Variants in MYO1D observed in about 807,000 individuals in gnomAD.
MYO1D encodes myosin ID.
MYO1D carries 83 observed loss-of-function variants against 122.0 expected under a neutral mutation model. The observed-to-expected ratio is 0.68, with a 90% confidence interval of 0.57 to 0.82. MYO1D has a LOEUF of 0.82. Ranked by LOEUF, MYO1D falls within the 40% of genes least tolerant of loss-of-function variation. The pLI is 0.00. For synonymous variants in MYO1D, 464 were observed against 446.9 expected (o/e 1.04, Z -0.48); for missense variants, 1,157 against 1,269.5 (o/e 0.91, Z 1.35).
chr17:32,755,388 A>T, intron 11 of MYO1D, 104 bp downstream of exon 11: 1 of 1,210,362 alleles, frequency 8.3e-7, no homozygotes, highest in Non-Finnish European at 1.2e-6. Flanking sequence ...CTTTCTTATT[A>T]AAGGGGACAT....
At chr17:32,506,691 A>G (rs945183782) in intron 21 of MYO1D, among the ~76,000 whole-genome samples, 1 of 152,252 alleles carries the variant, frequency 6.6e-6, no homozygotes, top group Non-Finnish European at 1.5e-5. Flanking sequence ...CTCAGATTTA[A>G]TTTAAAAATG....
intron 1 of MYO1D, among the ~76,000 whole-genome samples, chr17:32,785,201 T>C (rs969817007): frequency 1.3e-5 from 2 of 152,168 alleles, no homozygotes; most frequent in East Asian, 3.9e-4. Context: ...CAGATGACCA[T>C]ATCTCAAATG....
intron 21 of MYO1D, among the ~76,000 whole-genome samples, chr17:32,543,982 G>A (rs1032114678): frequency 6.6e-6 from 1 of 151,950 alleles, no homozygotes; most frequent in Non-Finnish European, 1.5e-5. Flanking sequence ...TAGTAGAGAC[G>A]GGGTTTCACT....
At chr17:32,713,999 CT>C in intron 15 of MYO1D, among the ~76,000 whole-genome samples, 1 of 151,026 alleles carries the variant, frequency 6.6e-6, no homozygotes, top group Admixed American at 6.6e-5. Flanking sequence ...ATCTAGTCTG[CT>C]TTGTGCCTTA....
At chr17:32,552,540 C>G (rs982924246) in intron 21 of MYO1D, among the ~76,000 whole-genome samples, 8 of 152,126 alleles carry the variant, frequency 5.3e-5, no homozygotes, top group Admixed American at 3.3e-4. Context: ...GCCCTCCTTC[C>G]TTTTATCCAT....
At chr17:32,556,862 A>T (rs2087072546) in intron 21 of MYO1D, among the ~76,000 whole-genome samples, 1 of 152,120 alleles carries the variant, frequency 6.6e-6, no homozygotes, top group African/African-American at 2.4e-5. Context: ...TTTGTGCTAA[A>T]CTCCCTAACC....
intron 21 of MYO1D, among the ~76,000 whole-genome samples, chr17:32,570,149 A>G (rs1026090424): frequency 6.6e-6 from 1 of 152,200 alleles, no homozygotes; most frequent in East Asian, 1.9e-4. Context: ...AGTTCCTTCC[A>G]GCCTCAGAGT....
intron 21 of MYO1D, among the ~76,000 whole-genome samples, chr17:32,500,408 G>A (rs1191989429): frequency 6.6e-6 from 1 of 151,374 alleles, no homozygotes; most frequent in Non-Finnish European, 1.5e-5. Context: ...AACCAGACCT[G>A]GGAAGGAGGT....
chr17:32,811,979 C>A (rs1598118772), intron 1 of MYO1D, among the ~76,000 whole-genome samples: 2 of 152,252 alleles, frequency 1.3e-5, no homozygotes, highest in Middle Eastern at 3.4e-3. Flanking sequence ...AATTATCCAA[C>A]CCAGGACCCA....
chr17:32,797,524 A>G (rs1056750752), intron 1 of MYO1D, among the ~76,000 whole-genome samples: 4 of 152,252 alleles, frequency 2.6e-5, no homozygotes, highest in African/African-American at 4.8e-5. Context: ...TCACATTCAT[A>G]TAACTTTTAT....
intron 13 of MYO1D, among the ~76,000 whole-genome samples, chr17:32,744,220 T>A (rs2089805808): frequency 6.6e-6 from 1 of 152,154 alleles, no homozygotes; most frequent in South Asian, 2.1e-4. Flanking sequence ...TGGTACTAGC[T>A]TTTCTCTCTG....
At chr17:32,596,476 G>A (rs1343267908) in intron 21 of MYO1D, among the ~76,000 whole-genome samples, 3 of 152,134 alleles carry the variant, frequency 2.0e-5, no homozygotes, top group Admixed American at 1.3e-4. Context: ...CTGTACTGCC[G>A]CGGCAGTGAC....
At chr17:32,605,856 G>A (rs543534240) in intron 20 of MYO1D, among the ~76,000 whole-genome samples, 257 of 152,152 alleles carry the variant, frequency 1.7e-3, no homozygotes, top group Non-Finnish European at 2.7e-3. Context: ...CAAGGCGGGC[G>A]GATTGCCTGA....
At chr17:32,826,410 G>T (rs2090723199) in intron 1 of MYO1D, among the ~76,000 whole-genome samples, 1 of 152,172 alleles carries the variant, frequency 6.6e-6, no homozygotes, top group South Asian at 2.1e-4. Context: ...ACATAGAGAT[G>T]CTTTTCTTAC....
intron 1 of MYO1D, among the ~76,000 whole-genome samples, chr17:32,791,363 C>CAAAAAA (rs60741553): frequency 6.1e-5 from 3 of 49,482 alleles, no homozygotes; most frequent in Middle Eastern, 0.011. Context: ...GACTCCGTCT[C>CAAAAAA]AAAAAAAAAA....
chr17:32,677,576 GATAA>G (rs1199279322), intron 16 of MYO1D, among the ~76,000 whole-genome samples: 114 of 98,954 alleles, frequency 1.2e-3, no homozygotes, highest in Non-Finnish European at 2.0e-3. Flanking sequence ...TATATAGATA[GATAA>G]ATATATATAT....
intron 4 of MYO1D, among the ~76,000 whole-genome samples, chr17:32,775,206 T>C (rs1450192724): frequency 6.6e-6 from 1 of 151,728 alleles, no homozygotes; most frequent in Non-Finnish European, 1.5e-5. Context: ...GAGGCTGAGG[T>C]GGGAGGATTG....
intron 16 of MYO1D, among the ~76,000 whole-genome samples, chr17:32,688,890 T>C (rs2089057161): frequency 6.6e-6 from 1 of 151,998 alleles, no homozygotes; most frequent in South Asian, 2.1e-4. Context: ...AATACTCATT[T>C]ACAGTGCATA....
At chr17:32,827,055 T>C (rs558909820) in intron 1 of MYO1D, among the ~76,000 whole-genome samples, 18 of 152,282 alleles carry the variant, frequency 1.2e-4, no homozygotes, top group Middle Eastern at 3.4e-3. Flanking sequence ...CCCAAAAGAA[T>C]TGAAAGTAGA....
Sources: gnomAD v4.1 joint callset for allele counts (sites outside exome capture counted in the v4.1 genomes callset) on GRCh38, gnomAD v4.1.1 for gene constraint, MANE v1.5 for transcripts, NCBI Gene and HGNC (gene_info 2026-07-23, HGNC 2026-07-21) for gene names.